Variants in RARS2 observed in about 807,000 individuals in gnomAD.
The protein encoded by RARS2 is probable arginine--tRNA ligase, mitochondrial.
In RARS2, 67 loss-of-function variants were observed where a neutral mutation model predicts 88.5. That is an observed-to-expected ratio of 0.76 (90% CI 0.62 to 0.93). The LOEUF (loss-of-function observed/expected upper bound fraction) is 0.93, where lower values mean the gene tolerates loss of function less well. Among genes scored for constraint, RARS2 ranks in the 40% least tolerant of loss-of-function variants. RARS2 has a pLI of 0.00. For missense variants in RARS2, 664 were observed against 684.2 expected, an observed-to-expected ratio of 0.97 and a Z score of 0.33; for synonymous variants, 239 against 230.3, an observed-to-expected ratio of 1.04 and a Z score of -0.34.
At chr6:87,545,482 AG>A (rs201051733) in intron 7 of RARS2, 133 bp downstream of exon 7, 3 of 1,078,774 alleles carry the variant, frequency 2.8e-6, no homozygotes, top group African/African-American at 1.7e-5. Context: ...AAGAGCCATT[AG>A]GGAAAAAAAA....
At chr6:87,561,507 T>C (rs1787855349) in intron 4 of RARS2, among the ~76,000 whole-genome samples, 1 of 152,216 alleles carries the variant, frequency 6.6e-6, no homozygotes, top group African/African-American at 2.4e-5. Flanking sequence ...GCTGCAATCC[T>C]CAAGCCTGGC....
rs181973376 is a variant in RARS2, at chr6:87,564,495, A to G, written c.111-263T>C. 4 of 416,012 alleles carry G rather than the reference A, an allele frequency of 9.6e-6. No homozygotes were observed. In the Admixed American group the frequency reaches 1.1e-4, roughly 11 times the overall value. The allele number at this position is 416,012 out of a possible 1,614,324, so 25.8% of individuals were successfully genotyped here. A position where few individuals can be genotyped will look rare whatever the true frequency, so the allele number is the denominator to read the frequency against. ...CACATGGTAAAACCCCATCTCTACT[A>G]AAAATACACACACACACACAAAAAT... On this transcript the variant is annotated intron_variant, in intron 2 of 19. Coordinates refer to ENST00000369536, the MANE Select transcript of RARS2 (RefSeq NM_020320.5).
At chr6:87,588,373 T>C (rs538143297) in intron 1 of RARS2, among the ~76,000 whole-genome samples, 1 of 152,022 alleles carries the variant, frequency 6.6e-6, no homozygotes, top group South Asian at 2.1e-4. Context: ...ACGTTTTTTA[T>C]TTTTATTTTT....
chr6:87,566,664 G>A (rs1301152376), intron 2 of RARS2, among the ~76,000 whole-genome samples: 2 of 151,638 alleles, frequency 1.3e-5, no homozygotes, highest in East Asian at 1.9e-4. Context: ...GGGCAATGTA[G>A]GCAGACATCA....
intron 1 of RARS2, among the ~76,000 whole-genome samples, chr6:87,575,892 C>T (rs986509118): frequency 2.0e-5 from 3 of 151,180 alleles, no homozygotes; most frequent in African/African-American, 7.3e-5. Context: ...TCGCTCACTG[C>T]AACCTCTGCC....
rs779929459 is a variant in RARS2 at position 87,530,792 on chromosome 6, C to G, written c.763G>C (p.Val255Leu). ...GGAGGGTCAACCAATACCTTGTAAA[C>G]CCGAATGTACTCTTCAATGCTCAAG... The part of the protein sequence containing the change: ...RDLSIEEYIR[V>L]YKRLGVYFDE... Residue 255 changes from valine (V) to leucine (L), a missense_variant, in exon 9 of 20, where the codon GTT becomes CTT. By Grantham distance (32) the Val-to-Leu change is conservative. Transcript: ENST00000369536. 5.0e-6 allele frequency: 8 copies of G among 1,614,162 alleles called. No individual in the cohort carries two copies. In the East Asian group the frequency reaches 1.8e-4, roughly 36 times the overall value.
chr6:87,536,115 T>A (rs966680418), intron 8 of RARS2, among the ~76,000 whole-genome samples: 1 of 152,084 alleles, frequency 6.6e-6, no homozygotes, highest in East Asian at 1.9e-4. Context: ...GCCATATTAA[T>A]AGGCAATATG....
At position 87,589,965 on chromosome 6, in the gene RARS2, T is replaced by C. The variant is rs28381459; in HGVS notation, c.-8A>G. 1.5e-5 allele frequency: 25 copies of C among 1,614,220 alleles called. No individual in the cohort carries two copies. Among genetic ancestry groups the C allele is most frequent in the African/African-American group, 1.2e-4 (9 of 75,076 alleles). ...GCGAAAGCCGCACGCCATGTCCACC[T>C]CTACGGAAGTGCGCCGCAGTCCGCC... On this transcript the variant is annotated 5_prime_UTR_variant, in exon 1 of 20. Transcript: ENST00000369536.
intron 8 of RARS2, among the ~76,000 whole-genome samples, chr6:87,536,340 A>G: frequency 6.6e-6 from 1 of 152,192 alleles, no homozygotes; most frequent in South Asian, 2.1e-4. Context: ...CTTTTACCAT[A>G]AGAAATTACT....
At chr6:87,536,979 T>C (rs1220850666) in intron 8 of RARS2, among the ~76,000 whole-genome samples, 2 of 152,226 alleles carry the variant, frequency 1.3e-5, no homozygotes, top group African/African-American at 4.8e-5. Context: ...GTGAAGCATA[T>C]GCACCAAAAT....
intron 1 of RARS2, among the ~76,000 whole-genome samples, chr6:87,584,073 T>C (rs1241997373): frequency 2.0e-5 from 3 of 152,222 alleles, no homozygotes; most frequent in Non-Finnish European, 2.9e-5. Flanking sequence ...ATTTGTAAGA[T>C]AAAGATGGTT....
intron 1 of RARS2, among the ~76,000 whole-genome samples, chr6:87,570,437 G>A (rs1230884165): frequency 6.6e-6 from 1 of 151,904 alleles, no homozygotes; most frequent in Non-Finnish European, 1.5e-5. Context: ...TATTTTTTTT[G>A]AGACAGAGTC....
At chr6:87,582,039 C>T (rs1419602754) in intron 1 of RARS2, among the ~76,000 whole-genome samples, 2 of 152,118 alleles carry the variant, frequency 1.3e-5, no homozygotes, top group Non-Finnish European at 2.9e-5. Flanking sequence ...CATGTCTTTG[C>T]TATTGTGAAT....
At chr6:87,525,691 C>A (rs1177522242) in intron 10 of RARS2, among the ~76,000 whole-genome samples, 1 of 151,878 alleles carries the variant, frequency 6.6e-6, no homozygotes, top group Non-Finnish European at 1.5e-5. Flanking sequence ...TGGAATTAGG[C>A]GCGCGCCACC....
At chr6:87,571,631 T>G (rs570165780) in intron 1 of RARS2, among the ~76,000 whole-genome samples, 2 of 152,190 alleles carry the variant, frequency 1.3e-5, no homozygotes, top group Non-Finnish European at 2.9e-5. Flanking sequence ...AAAGTAAGAA[T>G]GTAAGAAGAG....
intron 8 of RARS2, among the ~76,000 whole-genome samples, chr6:87,537,610 A>G (rs1779587165): frequency 6.6e-6 from 1 of 152,178 alleles, no homozygotes; most frequent in Non-Finnish European, 1.5e-5. Flanking sequence ...AAGCCATAAT[A>G]TTTAGGGTTG....
In RARS2 at chr6:87,519,716, G is replaced by A; in HGVS notation, c.1113-9C>T. 1 of 1,613,958 alleles carries A rather than the reference G, an allele frequency of 6.2e-7. No individual in the cohort carries two copies. The highest frequency in any genetic ancestry group is 8.5e-7 in the Non-Finnish European group (1 of 1,179,858). On this transcript the variant is annotated splice_polypyrimidine_tract_variant and intron_variant, in intron 13 of 19. Coordinates refer to ENST00000369536, the MANE Select transcript of RARS2 (RefSeq NM_020320.5). ...AGGGCACGTGCTGGCACCTAAAAGAGTGGGCATCTAGTTAACTGAAAGCTA... is the reference window on the plus strand; with the variant it reads ...AGGGCACGTGCTGGCACCTAAAAGAATGGGCATCTAGTTAACTGAAAGCTA...
chr6:87,555,254 G>C lies in RARS2; in HGVS notation c.395+154C>G, dbSNP rs146185478. ...ATATATTTTTTATTCACAGTTCAATGATTGATTCACTGTGATTTCAAGAAA... is the reference window on the plus strand; with the variant it reads ...ATATATTTTTTATTCACAGTTCAATCATTGATTCACTGTGATTTCAAGAAA... On this transcript the variant is annotated intron_variant, in intron 5 of 19. Transcript: ENST00000369536. 7.6e-4 allele frequency among the ~76,000 whole-genome samples: 116 copies of C among 152,076 alleles called. 2 individuals carry two copies. The East Asian group carries it at 0.022, about 29-fold the overall frequency.
intron 7 of RARS2, 38 bp from the exon 8 acceptor site, chr6:87,542,032 GAAC>G (rs1298015199): frequency 1.3e-6 from 2 of 1,484,748 alleles, no homozygotes; most frequent in Admixed American, 3.3e-5. Flanking sequence ...TTATAAAGTT[GAAC>G]AACAGAGAAT....
Sources: allele counts gnomAD v4.1 joint callset (sites outside exome capture counted in the v4.1 genomes callset), GRCh38; gene constraint gnomAD v4.1.1; transcripts MANE v1.5; gene names NCBI Gene and HGNC (gene_info 2026-07-23, HGNC 2026-07-21).